ABI3BP: variants seen among roughly 807,000 people sequenced by gnomAD.
ABI3BP encodes ABI family member 3 binding protein, also known as target of Nesh-SH3.
Under a neutral mutation model 268.6 loss-of-function variants are expected in ABI3BP, and 216 were observed. That is an observed-to-expected ratio of 0.80 (90% CI 0.72 to 0.90). ABI3BP has a LOEUF of 0.90. Ranked by LOEUF, ABI3BP falls within the 40% of genes least tolerant of loss-of-function variation. ABI3BP has a pLI of 0.00. For missense variants in ABI3BP, 2,090 were observed against 2,182.4 expected (o/e 0.96, Z 0.84); for synonymous variants, 730 against 730.0 (o/e 1.00, Z 0.00).
At chr3:100,783,015 C>G (rs1258994410) in intron 57 of ABI3BP, among the ~76,000 whole-genome samples, 1 of 152,136 alleles carries the variant, frequency 6.6e-6, no homozygotes, top group Admixed American at 6.5e-5. Flanking sequence ...CATAGTTCAC[C>G]CCTCAGCAAT....
chr3:100,953,331 C>A (rs2075757687), intron 1 of ABI3BP, among the ~76,000 whole-genome samples: 1 of 152,162 alleles, frequency 6.6e-6, no homozygotes, highest in Non-Finnish European at 1.5e-5. Flanking sequence ...CAGCACGTGA[C>A]TCCTTAATGC....
chr3:100,839,385 C>T (rs1315957825), intron 24 of ABI3BP, among the ~76,000 whole-genome samples, 184 bp downstream of exon 24: 9 of 152,138 alleles, frequency 5.9e-5, no homozygotes, highest in Non-Finnish European at 1.2e-4. Context: ...CCTAAATGAG[C>T]ACACTGGATT....
Position 100,847,593 on chromosome 3 carries a change from C to A in ABI3BP, c.1648+9G>T. ...AGCAACACATCTACTAAGGACATAT[C>A]ATTATTACCCGGTGTTGTCCATGTA... On this transcript the variant is annotated intron_variant, in intron 19 of 67. Coordinates refer to ENST00000471714, the MANE Select transcript of ABI3BP (RefSeq NM_001375547.2). 1 of 1,604,080 alleles carries A rather than the reference C, an allele frequency of 6.2e-7. No individual in the cohort carries two copies. The highest frequency in any genetic ancestry group is 1.3e-5 in the African/African-American group (1 of 74,778).
chr3:100,861,775 C>T (rs1459335050), intron 14 of ABI3BP, among the ~76,000 whole-genome samples: 1 of 151,968 alleles, frequency 6.6e-6, no homozygotes, highest in Admixed American at 6.6e-5. Flanking sequence ...GTAGCCATCA[C>T]ATGGTTACTA....
intron 1 of ABI3BP, among the ~76,000 whole-genome samples, chr3:100,984,164 C>T (rs2153968824): frequency 6.6e-6 from 1 of 152,052 alleles, no homozygotes; most frequent in South Asian, 2.1e-4. Context: ...AAAAATCCCA[C>T]CCTAGACCAA....
intron 26 of ABI3BP, among the ~76,000 whole-genome samples, chr3:100,837,652 G>A (rs765020542): frequency 6.6e-6 from 1 of 152,132 alleles, no homozygotes; most frequent in Non-Finnish European, 1.5e-5. Flanking sequence ...AGCTACTAAG[G>A]AGGCGTAGGC....
At chr3:100,896,543 A>G (rs985366557) in intron 4 of ABI3BP, among the ~76,000 whole-genome samples, 1 of 152,216 alleles carries the variant, frequency 6.6e-6, no homozygotes, top group African/African-American at 2.4e-5. Context: ...CTACAGATTC[A>G]TCAAGCAAGT....
chr3:100,940,829 T>TATGTATAG (rs2068808168), intron 1 of ABI3BP, among the ~76,000 whole-genome samples: 1 of 41,232 alleles, frequency 2.4e-5, no homozygotes, highest in Non-Finnish European at 4.3e-5. Context: ...TATATATATA[T>TATGTATAG]ATGATATGAT....
In ABI3BP at chr3:100,774,777, C is replaced by T. The variant is rs957891943; in HGVS notation, c.4463-104G>A. 6.6e-6 allele frequency: 6 copies of T among 908,422 alleles called. No individual in the cohort carries two copies. In the African/African-American group the frequency reaches 1.0e-4, roughly 15 times the overall value. 56.3% of individuals were successfully genotyped at this position (908,422 alleles called of 1,614,324 possible). On this transcript the variant is annotated intron_variant, in intron 60 of 67. Coordinates refer to ENST00000471714, the MANE Select transcript of ABI3BP (RefSeq NM_001375547.2). The stretch of plus-strand genomic sequence containing the variant: ...GATATTCAATATTTCTTCTTGTAAA[C>T]TGCTTGCAGTTTTGATTTTTTAAAA...
At chr3:100,789,307 A>C (rs2097134477) in intron 56 of ABI3BP, 147 bp downstream of exon 56, 4 of 650,172 alleles carry the variant, frequency 6.2e-6, no homozygotes, top group Non-Finnish European at 7.6e-6. Flanking sequence ...ATTCATCAAT[A>C]CCTTTCCACT....
chr3:100,835,629 C>T lies in ABI3BP; in HGVS notation c.2163G>A (p.Val721=), dbSNP rs911804139. Residue 721 remains valine (V), a synonymous_variant, in exon 28 of 68, where the codon GTG becomes GTA. Transcript: ENST00000471714. The part of the protein sequence containing the change: ...VPTTDIEPVT[V]RTEATVTTLA... Reference sequence around the variant, plus strand: ...ATGTTGTCACTGTAGCCTCAGTTCTCACAGTTACAGGCTCAATGTCTGTGG... The same window carrying T: ...ATGTTGTCACTGTAGCCTCAGTTCTTACAGTTACAGGCTCAATGTCTGTGG... 2.0e-6 allele frequency: 3 copies of T among 1,535,164 alleles called. No individual in the cohort carries two copies. Among genetic ancestry groups the T allele is most frequent in the Admixed American group, 2.0e-5 (1 of 50,938 alleles).
intron 1 of ABI3BP, among the ~76,000 whole-genome samples, chr3:100,930,161 G>C (rs2063146532): frequency 6.6e-6 from 1 of 151,946 alleles, no homozygotes; most frequent in African/African-American, 2.4e-5. Flanking sequence ...AATACCACAT[G>C]ATACAAGCTT....
chr3:100,780,334 A>G lies in ABI3BP; in HGVS notation c.4163-125T>C, dbSNP rs550521947. ...GGAGCATTGGTGTTTTTATGCCAAG[A>G]CATTTTACGGGCTTCTACTATCTGG... On this transcript the variant is annotated intron_variant, in intron 57 of 67. Transcript: ENST00000471714. The G allele has an allele frequency of 1.2e-5, 10 of 813,890 alleles. No homozygotes were observed. The East Asian group carries it at 2.9e-4, about 24-fold the overall frequency. 50.4% of individuals were successfully genotyped at this position (813,890 alleles called of 1,614,324 possible).
At chr3:100,761,818 T>A (rs2095970889) in intron 63 of ABI3BP, among the ~76,000 whole-genome samples, 1 of 152,204 alleles carries the variant, frequency 6.6e-6, no homozygotes, top group Non-Finnish European at 1.5e-5. Context: ...TAGCCAGTAA[T>A]TATCATCTGA....
chr3:100,987,621 T>A (rs1409866013), intron 1 of ABI3BP, among the ~76,000 whole-genome samples: 1 of 152,226 alleles, frequency 6.6e-6, no homozygotes, highest in Non-Finnish European at 1.5e-5. Flanking sequence ...AGATGCTTAA[T>A]AATCTGGGCT....
At chr3:100,946,217 A>T (rs1371581359) in intron 1 of ABI3BP, among the ~76,000 whole-genome samples, 1 of 151,276 alleles carries the variant, frequency 6.6e-6, no homozygotes, top group Admixed American at 6.6e-5. Flanking sequence ...CTAAAAATGC[A>T]AAAATTAGTC....
At chr3:100,986,299 A>C (rs1185658182) in intron 1 of ABI3BP, among the ~76,000 whole-genome samples, 1 of 152,210 alleles carries the variant, frequency 6.6e-6, no homozygotes, top group East Asian at 1.9e-4. Flanking sequence ...CCTTCAGATC[A>C]GACCTCACCT....
chr3:100,914,037 AAAT>A (rs1170477848), intron 2 of ABI3BP, among the ~76,000 whole-genome samples: 2 of 152,352 alleles, frequency 1.3e-5, no homozygotes, highest in African/African-American at 4.8e-5. Flanking sequence ...AAAGGAAAAA[AAAT>A]AATTAGAGGG....
chr3:100,846,350 CA>C, intron 20 of ABI3BP, 21 bp downstream of exon 20: 2 of 1,524,540 alleles, frequency 1.3e-6, no homozygotes, highest in East Asian at 2.3e-5. Context: ...TTGGAATATT[CA>C]AAAAAGTTTA....
Sources: allele counts gnomAD v4.1 joint callset (sites outside exome capture counted in the v4.1 genomes callset), GRCh38; gene constraint gnomAD v4.1.1; transcripts MANE v1.5; gene names NCBI Gene and HGNC (gene_info 2026-07-23, HGNC 2026-07-21).